CA10: variants seen among roughly 807,000 people sequenced by gnomAD.
CA10 encodes carbonic anhydrase 10 (inactive), also known as carbonic anhydrase-related protein 10.
CA10 carries 14 observed loss-of-function variants against 44.2 expected under a neutral mutation model. That is an observed-to-expected ratio of 0.32 (90% confidence interval 0.21 to 0.50). The LOEUF (loss-of-function observed/expected upper bound fraction) is 0.50. Among genes scored for constraint, CA10 ranks in the 20% least tolerant of loss-of-function variants. The pLI is 0.99. For synonymous variants in CA10, 159 were observed against 141.6 expected, an observed-to-expected ratio of 1.12 and a Z score of -0.87; for missense variants, 350 against 409.7, an observed-to-expected ratio of 0.85 and a Z score of 1.26.
rs576867760 is a variant in CA10, at chr17:51,754,944, C to T, written c.280-7126G>A. ...TATACATGCATATATTATATAGCTA[C>T]ATTATCTATATCTGTATATATTATA... On this transcript the variant is annotated intron_variant, in intron 3 of 8. Coordinates refer to ENST00000451037, the MANE Select transcript of CA10 (RefSeq NM_020178.5). Among the ~76,000 whole-genome samples the T allele has an allele frequency of 4.0e-5, 6 of 151,846 alleles. No homozygotes were observed. In the South Asian group the frequency reaches 1.2e-3, roughly 32 times the overall value.
At position 51,682,561 on chromosome 17, in the gene CA10, AC is replaced by A. The variant is rs1914881100; in HGVS notation, c.466-28826del. Among the ~76,000 whole-genome samples, 9 of 152,366 alleles carry A rather than the reference AC, an allele frequency of 5.9e-5. No individual in the cohort carries two copies. In the South Asian group the frequency reaches 1.9e-3, roughly 32 times the overall value. Reference sequence around the variant, plus strand: ...TAAAGGTGAAAGGGGATGGTGAATTACAGTTAACACAGAAAATGAAGAGAAT... The same window carrying A: ...TAAAGGTGAAAGGGGATGGTGAATTAAGTTAACACAGAAAATGAAGAGAAT... On this transcript the variant is annotated intron_variant, in intron 4 of 8. Coordinates refer to ENST00000451037, the MANE Select transcript of CA10 (RefSeq NM_020178.5).
At chr17:52,112,899 T>C (rs1232858401) in intron 1 of CA10, among the ~76,000 whole-genome samples, 2 of 152,210 alleles carry the variant, frequency 1.3e-5, no homozygotes, top group African/African-American at 2.4e-5. Flanking sequence ...CTAGGTATTC[T>C]AGTTATTCTA....
intron 4 of CA10, among the ~76,000 whole-genome samples, chr17:51,713,135 C>T (rs1270313351): frequency 6.6e-6 from 1 of 152,166 alleles, no homozygotes; most frequent in African/African-American, 2.4e-5. Flanking sequence ...GGGTAACTTC[C>T]CAAAGAAGTA....
chr17:52,041,974 C>T (rs540212639), intron 2 of CA10, among the ~76,000 whole-genome samples: 4 of 151,976 alleles, frequency 2.6e-5, no homozygotes, highest in Admixed American at 6.6e-5. Flanking sequence ...GAGAAAATCA[C>T]ATGTTCTTTA....
intron 3 of CA10, among the ~76,000 whole-genome samples, chr17:51,890,803 C>T (rs925616388): frequency 2.6e-5 from 4 of 152,098 alleles, no homozygotes; most frequent in African/African-American, 9.7e-5. Flanking sequence ...TTCTACTTAT[C>T]CAGAGGTTAC....
intron 5 of CA10, among the ~76,000 whole-genome samples, chr17:51,650,345 T>G (rs1227600853): frequency 6.6e-6 from 1 of 152,222 alleles, no homozygotes; most frequent in Admixed American, 6.5e-5. Context: ...ACATCAACAT[T>G]TTAAATCTGA....
intron 2 of CA10, among the ~76,000 whole-genome samples, chr17:52,018,968 A>G (rs1483269833): frequency 6.6e-6 from 1 of 151,970 alleles, no homozygotes; most frequent in Non-Finnish European, 1.5e-5. Flanking sequence ...TGTTTAAAAG[A>G]GACCGACACT....
At chr17:52,081,160 C>G (rs1987965297) in intron 1 of CA10, among the ~76,000 whole-genome samples, 1 of 152,046 alleles carries the variant, frequency 6.6e-6, no homozygotes, top group South Asian at 2.1e-4. Flanking sequence ...GAGAAAAGTA[C>G]TCTGTGATAT....
chr17:52,064,221 T>A (rs990529114), intron 2 of CA10, among the ~76,000 whole-genome samples: 3 of 152,224 alleles, frequency 2.0e-5, no homozygotes, highest in Admixed American at 2.0e-4. Flanking sequence ...AGGACCCACA[T>A]GAGCTTGACT....
At chr17:51,723,802 C>G (rs1916431396) in intron 4 of CA10, among the ~76,000 whole-genome samples, 1 of 152,160 alleles carries the variant, frequency 6.6e-6, no homozygotes, top group Non-Finnish European at 1.5e-5. Flanking sequence ...CTGTTTTTCC[C>G]CTCTGCCCTC....
intron 2 of CA10, among the ~76,000 whole-genome samples, chr17:51,997,637 T>C (rs1202434873): frequency 1.3e-5 from 2 of 152,108 alleles, no homozygotes; most frequent in African/African-American, 4.8e-5. Context: ...AAAACTCATC[T>C]GGAGGTAGAA....
chr17:52,108,086 C>T (rs1174075869), intron 1 of CA10, among the ~76,000 whole-genome samples: 1 of 150,882 alleles, frequency 6.6e-6, no homozygotes, highest in African/African-American at 2.4e-5. Context: ...AAGAATAAGC[C>T]AGGCACTATT....
intron 3 of CA10, among the ~76,000 whole-genome samples, chr17:51,861,532 T>C (rs1979307006): frequency 6.7e-6 from 1 of 148,208 alleles, no homozygotes; most frequent in African/African-American, 2.6e-5. Flanking sequence ...AGGTCACTAT[T>C]GCAGATGTGT....
At chr17:51,673,358 G>A (rs1226177205) in intron 4 of CA10, among the ~76,000 whole-genome samples, 1 of 152,128 alleles carries the variant, frequency 6.6e-6, no homozygotes, top group Non-Finnish European at 1.5e-5. Flanking sequence ...TGGGAATTCT[G>A]TACTTCAAAT....
intron 2 of CA10, among the ~76,000 whole-genome samples, chr17:52,068,391 C>T (rs1347128074): frequency 6.6e-6 from 1 of 152,222 alleles, no homozygotes; most frequent in Non-Finnish European, 1.5e-5. Context: ...GTCAATTAAA[C>T]CTCTTTCCTT....
chr17:51,646,609 A>C (rs1913349515), intron 6 of CA10, among the ~76,000 whole-genome samples: 2 of 152,278 alleles, frequency 1.3e-5, no homozygotes, highest in African/African-American at 2.4e-5. Context: ...GTGCTGGCCT[A>C]ACCTGCTGCC....
intron 1 of CA10, among the ~76,000 whole-genome samples, chr17:52,100,617 G>A (rs1005297654): frequency 6.6e-6 from 1 of 152,140 alleles, no homozygotes; most frequent in African/African-American, 2.4e-5. Context: ...TAAAATTACG[G>A]AACTACGTCT....
At chr17:51,895,148 C>T (rs1427986295) in intron 3 of CA10, among the ~76,000 whole-genome samples, 1 of 152,032 alleles carries the variant, frequency 6.6e-6, no homozygotes, top group Non-Finnish European at 1.5e-5. Flanking sequence ...TATCTACTTG[C>T]ATGCGGATAT....
intron 3 of CA10, among the ~76,000 whole-genome samples, chr17:51,829,535 G>A (rs577359337): frequency 3.9e-5 from 6 of 152,284 alleles, no homozygotes; most frequent in South Asian, 4.1e-4. Context: ...CATGAGGGAC[G>A]TATGCAATTG....
Sources: allele counts gnomAD v4.1 joint callset (sites outside exome capture counted in the v4.1 genomes callset), GRCh38; gene constraint gnomAD v4.1.1; transcripts MANE v1.5; gene names NCBI Gene and HGNC (gene_info 2026-07-23, HGNC 2026-07-21).